PKN2: variants seen among roughly 807,000 people sequenced by gnomAD.
PKN2 encodes protein kinase N2, also known as serine/threonine-protein kinase N2.
A neutral mutation model predicts 119.1 loss-of-function variants in PKN2; 38 were observed. The ratio of observed to expected loss-of-function variants is 0.32; its 90% CI spans 0.25 to 0.42. PKN2 has a LOEUF of 0.42. PKN2 is among the 10% of genes least tolerant of loss of function. The pLI, the probability that PKN2 is intolerant of heterozygous loss-of-function variation, is 1.00. For synonymous variants in PKN2, 390 were observed against 384.9 expected, an observed-to-expected ratio of 1.01 and a Z score of -0.15; for missense variants, 850 against 1,165.1, an observed-to-expected ratio of 0.73 and a Z score of 3.94.
intron 3 of PKN2, among the ~76,000 whole-genome samples, chr1:88,765,278 A>T (rs976794851): frequency 1.1e-5 from 1 of 91,348 alleles, no homozygotes; most frequent in Admixed American, 1.0e-4. Flanking sequence ...TTGAGACTTC[A>T]TCTCAAAAAA....
chr1:88,781,794 T>G (rs9803847), intron 6 of PKN2, among the ~76,000 whole-genome samples: 1 of 152,028 alleles, frequency 6.6e-6, no homozygotes, highest in African/African-American at 2.4e-5. Context: ...CATTTTACAG[T>G]TGAGCATTTA....
At chr1:88,753,008 G>A (rs1359508118) in intron 2 of PKN2, among the ~76,000 whole-genome samples, 2 of 151,926 alleles carry the variant, frequency 1.3e-5, no homozygotes, top group Admixed American at 6.5e-5. Flanking sequence ...ATTATTAAAA[G>A]TTCGATTGTT....
At chr1:88,800,519 C>T (rs1366926368) in intron 8 of PKN2, among the ~76,000 whole-genome samples, 2 of 152,106 alleles carry the variant, frequency 1.3e-5, no homozygotes, top group Non-Finnish European at 2.9e-5. Flanking sequence ...TATGACATCA[C>T]CAGAAGGAAT....
intron 1 of PKN2, among the ~76,000 whole-genome samples, chr1:88,688,283 C>A (rs1666186978): frequency 6.6e-6 from 1 of 152,088 alleles, no homozygotes; most frequent in Admixed American, 6.5e-5. Context: ...GACGGGGTTT[C>A]ATTATGTTGG....
At chr1:88,697,071 T>C (rs1174070354) in intron 1 of PKN2, among the ~76,000 whole-genome samples, 1 of 152,104 alleles carries the variant, frequency 6.6e-6, no homozygotes, top group Non-Finnish European at 1.5e-5. Flanking sequence ...CTAATAAAAG[T>C]TTTACTTAAG....
chr1:88,693,616 G>T (rs1009084085), intron 1 of PKN2, among the ~76,000 whole-genome samples: 1 of 152,154 alleles, frequency 6.6e-6, no homozygotes, highest in Non-Finnish European at 1.5e-5. Context: ...GGAGGTGGAG[G>T]TGAGAGAATG....
rs1043922936 is a variant in PKN2, at chr1:88,769,101, G to A, written c.505-1251G>A. On this transcript the variant is annotated intron_variant, in intron 3 of 21. Coordinates refer to ENST00000370521, the MANE Select transcript of PKN2 (RefSeq NM_006256.4). ...CCGTGACCTAAATACCTTCCAGTAG[G>A]CCTCGCTTCAGACACTGAGGAATTA... Among the ~76,000 whole-genome samples, 6 of 152,180 alleles carry A rather than the reference G, an allele frequency of 3.9e-5. No homozygotes were observed. The East Asian group carries it at 1.2e-3, about 29-fold the overall frequency.
intron 9 of PKN2, 122 bp downstream of exon 9, chr1:88,804,656 C>A: frequency 2.1e-6 from 2 of 958,440 alleles, no homozygotes; most frequent in Non-Finnish European, 3.2e-6. Flanking sequence ...CTTGGCTGAG[C>A]TATGCCACTG....
intron 1 of PKN2, among the ~76,000 whole-genome samples, chr1:88,687,701 C>T (rs182751451): frequency 3.3e-5 from 5 of 152,272 alleles, no homozygotes; most frequent in Admixed American, 1.3e-4. Context: ...ATAGAGGTAA[C>T]TTGCTCAAGT....
Position 88,716,890 on chromosome 1 carries a change from C to T in PKN2, c.49-24098C>T, listed in dbSNP as rs991937179. On this transcript the variant is annotated intron_variant, in intron 1 of 21. Coordinates refer to ENST00000370521, the MANE Select transcript of PKN2 (RefSeq NM_006256.4). ...AGTTGATGCAGTTTCTTCCTATCATCGATGGTCTTTACAATTTGGCATGTT... is the reference window on the plus strand; with the variant it reads ...AGTTGATGCAGTTTCTTCCTATCATTGATGGTCTTTACAATTTGGCATGTT... Among the ~76,000 whole-genome samples the T allele has an allele frequency of 2.0e-4, 30 of 152,150 alleles. 1 individual carries two copies. Among genetic ancestry groups the T allele is most frequent in the South Asian group, 4.1e-4 (2 of 4,826 alleles).
At chr1:88,775,198 G>C (rs145112376) in intron 6 of PKN2, among the ~76,000 whole-genome samples, 1 of 151,952 alleles carries the variant, frequency 6.6e-6, no homozygotes, top group African/African-American at 2.4e-5. Context: ...TCCTGGGCTC[G>C]AGCAATCTGT....
chr1:88,711,752 A>C (rs909514600), intron 1 of PKN2, among the ~76,000 whole-genome samples: 1 of 152,144 alleles, frequency 6.6e-6, no homozygotes, highest in African/African-American at 2.4e-5. Context: ...GAGAGGTGAA[A>C]TCTCTGGAAG....
chr1:88,690,115 G>C (rs545249025), intron 1 of PKN2, among the ~76,000 whole-genome samples: 38 of 152,288 alleles, frequency 2.5e-4, no homozygotes, highest in African/African-American at 8.4e-4. Flanking sequence ...ATTAGGTCTA[G>C]TATCATGCAA....
chr1:88,822,164 T>C (rs962783419), intron 17 of PKN2, among the ~76,000 whole-genome samples, 161 bp downstream of exon 17: 2 of 152,240 alleles, frequency 1.3e-5, no homozygotes, highest in African/African-American at 4.8e-5. Context: ...GTTAGCACTA[T>C]GATTATATGA....
intron 2 of PKN2, among the ~76,000 whole-genome samples, chr1:88,742,385 C>G (rs1478044529): frequency 1.3e-5 from 2 of 152,148 alleles, no homozygotes; most frequent in Non-Finnish European, 1.5e-5. Flanking sequence ...TTCGACATCA[C>G]TTTCAACATC....
chr1:88,822,615 T>TA (rs932414957), intron 17 of PKN2, among the ~76,000 whole-genome samples: 1 of 151,200 alleles, frequency 6.6e-6, no homozygotes, highest in Non-Finnish European at 1.5e-5. Flanking sequence ...GTTTCGCTCT[T>TA]GTCACCCAAG....
intron 15 of PKN2, among the ~76,000 whole-genome samples, chr1:88,813,321 A>G (rs1490160261): frequency 6.6e-6 from 1 of 152,190 alleles, no homozygotes; most frequent in Non-Finnish European, 1.5e-5. Context: ...TGTGCTATAG[A>G]CTATCAATGT....
At chr1:88,798,275 A>T (rs1405834124) in intron 8 of PKN2, among the ~76,000 whole-genome samples, 4 of 151,802 alleles carry the variant, frequency 2.6e-5, no homozygotes, top group Admixed American at 6.6e-5. Flanking sequence ...AATATTTTAA[A>T]GTTTGTGTTT....
In PKN2 at chr1:88,742,591, A is replaced by G. The variant is rs889924075; in HGVS notation, c.349+1303A>G. On this transcript the variant is annotated intron_variant, in intron 2 of 21. Transcript: ENST00000370521. Reference sequence around the variant, plus strand: ...AGAACGCTTCAGCTCTTCATCTAGTATTCTTACACACTCTATAATTATGTT... The same window carrying G: ...AGAACGCTTCAGCTCTTCATCTAGTGTTCTTACACACTCTATAATTATGTT... 1.2e-4 allele frequency among the ~76,000 whole-genome samples: 19 copies of G among 152,304 alleles called. No individual in the cohort carries two copies. In the East Asian group the frequency reaches 3.3e-3, roughly 26 times the overall value.
Sources: gnomAD v4.1 joint callset for allele counts (sites outside exome capture counted in the v4.1 genomes callset) on GRCh38, gnomAD v4.1.1 for gene constraint, MANE v1.5 for transcripts, NCBI Gene and HGNC (gene_info 2026-07-23, HGNC 2026-07-21) for gene names.